CHIC2: variants seen among roughly 807,000 people sequenced by gnomAD.
The protein encoded by CHIC2 is cysteine rich hydrophobic domain 2.
CHIC2 carries 14 observed loss-of-function variants against 25.9 expected under a neutral mutation model. The observed-to-expected ratio is 0.54, with a 90% CI of 0.36 to 0.85. CHIC2 has a LOEUF of 0.85. CHIC2 is among the 40% of genes least tolerant of loss of function. The pLI, the probability that CHIC2 is intolerant of heterozygous loss-of-function variation, is 0.01. For synonymous variants in CHIC2, 70 were observed against 72.0 expected (o/e 0.97, Z 0.14); for missense variants, 146 against 202.0 (o/e 0.72, Z 1.68).
the CHIC2 span, among the ~76,000 whole-genome samples, chr4:54,074,440 T>C: frequency 1.3e-5 from 2 of 152,260 alleles, no homozygotes; most frequent in African/African-American, 2.4e-5. Context: ...TTTCTGTAGT[T>C]CTTTGCACAT....
At chr4:54,082,049 C>G in the CHIC2 span, among the ~76,000 whole-genome samples, 1 of 152,122 alleles carries the variant, frequency 6.6e-6, no homozygotes, top group African/African-American at 2.4e-5. Context: ...AGGTTGATCC[C>G]GAACATAATG....
the CHIC2 span, among the ~76,000 whole-genome samples, chr4:54,085,590 TAAC>T: frequency 6.6e-6 from 1 of 152,204 alleles, no homozygotes; most frequent in Admixed American, 6.5e-5. Flanking sequence ...GAGCTCTAGC[TAAC>T]AACAAGACAA....
chr4:54,090,574 A>G, the CHIC2 span, among the ~76,000 whole-genome samples: 525 of 152,302 alleles, frequency 3.4e-3, 1 homozygote, highest in African/African-American at 0.012. Flanking sequence ...CATCAGACTC[A>G]GGGAACGTCA....
chr4:54,052,068 T>C, intron 1 of CHIC2, among the ~76,000 whole-genome samples: 1 of 152,296 alleles, frequency 6.6e-6, no homozygotes, highest in Non-Finnish European at 1.5e-5. Flanking sequence ...AATTTCTTAT[T>C]TGGCACAGGC....
chr4:54,052,846 T>C (rs927155981), intron 1 of CHIC2, among the ~76,000 whole-genome samples: 6 of 152,220 alleles, frequency 3.9e-5, no homozygotes, highest in South Asian at 4.1e-4. Context: ...GTTTTCTCTT[T>C]AGAAATGTAA....
chr4:54,055,231 C>A (rs187617326), intron 1 of CHIC2, among the ~76,000 whole-genome samples: 32 of 152,166 alleles, frequency 2.1e-4, no homozygotes, highest in Admixed American at 1.2e-3. Context: ...GCCTCAGCCT[C>A]CCGTGTAGCT....
chr4:54,052,320 T>C (rs1018416127), intron 1 of CHIC2, among the ~76,000 whole-genome samples: 8 of 152,204 alleles, frequency 5.3e-5, no homozygotes, highest in Non-Finnish European at 1.0e-4. Flanking sequence ...CTGGCTTCTT[T>C]TTTAAGTTCA....
intron 3 of CHIC2, 161 bp downstream of exon 3, chr4:54,048,794 T>C: frequency 1.9e-6 from 1 of 526,318 alleles, no homozygotes; most frequent in Non-Finnish European, 3.2e-6. Context: ...AGCACTTGGA[T>C]ATATAGTAAC....
At chr4:54,065,753 A>G (rs1041533674), upstream of CHIC2, among the ~76,000 whole-genome samples, 3 of 152,196 alleles carry the variant, frequency 2.0e-5, no homozygotes, top group Non-Finnish European at 4.4e-5. Context: ...CTTCAAGTGC[A>G]GTGTTCATGT....
intron 3 of CHIC2, among the ~76,000 whole-genome samples, chr4:54,019,772 C>T (rs778133317): frequency 4.6e-5 from 7 of 151,992 alleles, no homozygotes; most frequent in Non-Finnish European, 7.4e-5. Flanking sequence ...GCAATCATCC[C>T]ACTCGGTCTC....
chr4:54,087,031 C>A, the CHIC2 span: 1 of 1,123,204 alleles, frequency 8.9e-7, no homozygotes. Context: ...AGAGGGGCCT[C>A]CTCAGGAAAG....
At chr4:54,087,282 T>C in the CHIC2 span, 1 of 579,982 alleles carries the variant, frequency 1.7e-6, no homozygotes, top group Non-Finnish European at 3.1e-6. Context: ...AGAATGGAAG[T>C]TAAAGTGAAG....
chr4:54,084,202 G>T, the CHIC2 span, among the ~76,000 whole-genome samples: 1 of 152,112 alleles, frequency 6.6e-6, no homozygotes, highest in Non-Finnish European at 1.5e-5. Context: ...CATCTTTGTA[G>T]CCCTAGTACC....
intron 3 of CHIC2, among the ~76,000 whole-genome samples, chr4:54,030,537 A>AATAT (rs1385292433): frequency 4.6e-4 from 64 of 139,654 alleles, no homozygotes; most frequent in Non-Finnish European, 5.5e-4. Context: ...AAAAAAAAAA[A>AATAT]ATATATATAT....
the CHIC2 span, among the ~76,000 whole-genome samples, chr4:54,078,770 C>T: frequency 8.6e-5 from 13 of 152,000 alleles, no homozygotes; most frequent in Non-Finnish European, 1.8e-4. Context: ...CCACCTTGGC[C>T]TCCCAAAGTG....
intron 3 of CHIC2, among the ~76,000 whole-genome samples, chr4:54,042,996 C>G (rs1489664579): frequency 6.6e-6 from 1 of 152,098 alleles, no homozygotes; most frequent in Non-Finnish European, 1.5e-5. Flanking sequence ...TAAAACTGTT[C>G]ATTCATTTTC....
intron 3 of CHIC2, among the ~76,000 whole-genome samples, chr4:54,038,470 AC>A (rs1171717016): frequency 1.3e-5 from 2 of 152,182 alleles, no homozygotes; most frequent in African/African-American, 2.4e-5. Context: ...AACAAAAAAA[AC>A]GTCAAAGACC....
chr4:54,040,466 C>T (rs907385984), intron 3 of CHIC2, among the ~76,000 whole-genome samples: 4 of 151,958 alleles, frequency 2.6e-5, no homozygotes, highest in African/African-American at 4.8e-5. Flanking sequence ...TTTGGGAGGC[C>T]GAAGCGGGCA....
chr4:54,084,166 C>T, the CHIC2 span, among the ~76,000 whole-genome samples: 1 of 152,136 alleles, frequency 6.6e-6, no homozygotes, highest in Non-Finnish European at 1.5e-5. Context: ...GTTAGGTGAG[C>T]CACTGTGCCC....
Sources: gnomAD v4.1 joint callset for allele counts (sites outside exome capture counted in the v4.1 genomes callset) on GRCh38, gnomAD v4.1.1 for gene constraint, MANE v1.5 for transcripts, NCBI Gene and HGNC (gene_info 2026-07-23, HGNC 2026-07-21) for gene names.